The following BBS7 variants were observed in gnomAD, a reference collection of about 807,000 sequenced individuals.
BBS7 encodes Bardet-Biedl syndrome 7.
A neutral mutation model predicts 90.3 loss-of-function variants in BBS7; 50 were observed. The observed-to-expected ratio is 0.55, with a 90% CI of 0.44 to 0.70. The LOEUF is 0.70. BBS7 is among the 30% of genes least tolerant of loss of function. BBS7 has a pLI of 0.00. For missense variants in BBS7, 729 were observed against 838.9 expected (o/e 0.87, Z 1.62); for synonymous variants, 235 against 287.4 (o/e 0.82, Z 1.85).
intron 3 of BBS7, among the ~76,000 whole-genome samples, chr4:121,862,354 C>T (rs1206167551): frequency 2.6e-5 from 4 of 152,000 alleles, no homozygotes; most frequent in Non-Finnish European, 4.4e-5. Context: ...CCACTTCCTC[C>T]CCATGACTTT....
chr4:121,849,672 C>CA lies in BBS7; in HGVS notation c.850-745dup, dbSNP rs578054344. The stretch of plus-strand genomic sequence containing the variant: ...TGAAACCCCATCTCTACTAAAAATA[C>CA]AAAAAAAATTAGCCGGGCGTGGTGG... On this transcript the variant is annotated intron_variant, in intron 8 of 18. Coordinates refer to ENST00000264499, the MANE Select transcript of BBS7 (RefSeq NM_176824.3). Among the ~76,000 whole-genome samples, 517 of 151,504 alleles carry CA rather than the reference C, an allele frequency of 3.4e-3. 1 individual carries two copies. Among genetic ancestry groups the CA allele is most frequent in the African/African-American group, 0.012 (487 of 41,326 alleles).
At chr4:121,833,122 T>C in intron 15 of BBS7, 109 bp downstream of exon 15, 1 of 1,051,784 alleles carries the variant, frequency 9.5e-7, no homozygotes. Flanking sequence ...TCTTGAACAG[T>C]ATAGATTTTC....
rs1434794046 is a variant in BBS7 at position 121,828,744 on chromosome 4, AT to A, written c.1677-17del. 10 of 1,411,654 alleles carry A rather than the reference AT, an allele frequency of 7.1e-6. No homozygotes were observed. Among genetic ancestry groups the A allele is most frequent in the East Asian group, 2.5e-5 (1 of 40,432 alleles). 87.4% of individuals were successfully genotyped at this position (1,411,654 alleles called of 1,614,324 possible). ...CTCTCCTTTTCTATAAAATTAATATATTTTTTAAAAGAATAGCTGTAGAAGG... is the reference window on the plus strand; with the variant it reads ...CTCTCCTTTTCTATAAAATTAATATATTTTTAAAAGAATAGCTGTAGAAGG... On this transcript the variant is annotated splice_polypyrimidine_tract_variant and intron_variant, in intron 15 of 18. Transcript: ENST00000264499.
rs1467134205 is a variant in BBS7, at chr4:121,840,642, A to C, written c.1306-946T>G. Among the ~76,000 whole-genome samples, 4 of 152,172 alleles carry C rather than the reference A, an allele frequency of 2.6e-5. No individual in the cohort carries two copies. In the East Asian group the frequency reaches 7.7e-4, roughly 29 times the overall value. On this transcript the variant is annotated intron_variant, in intron 12 of 18. Transcript: ENST00000264499. The stretch of plus-strand genomic sequence containing the variant: ...CTACTAGAAATAGAGAAATGTAGCT[A>C]GGTTCATGGATTACAAAAAGAGACA...
At chr4:121,846,299 T>G (rs1726009402) in intron 10 of BBS7, among the ~76,000 whole-genome samples, 1 of 152,084 alleles carries the variant, frequency 6.6e-6, no homozygotes, top group African/African-American at 2.4e-5. Context: ...AAGGGCCACA[T>G]GCAAATGGAG....
chr4:121,839,658 C>T lies in BBS7; in HGVS notation c.1344G>A (p.Gln448=). The T allele has an allele frequency of 6.2e-7, 1 of 1,613,790 alleles. No homozygotes were observed. Among genetic ancestry groups the T allele is most frequent in the Non-Finnish European group, 8.5e-7 (1 of 1,179,822 alleles). The change falls in exon 13 of 19, where the codon CAG becomes CAA. Residue 448 remains glutamine, a synonymous_variant. Coordinates refer to ENST00000264499, the MANE Select transcript of BBS7 (RefSeq NM_176824.3). The part of the protein sequence containing the change: ...DNFLLATYRC[Q]ADTTRLELKI... ...TGAGTTCCAGCCTTGTAGTATCTGC[C>T]TGGCACCGATAAGTGGCAAGAAGGA... is the stretch of plus-strand genomic sequence containing the variant.
At chr4:121,855,851 C>A (rs970006252) in intron 5 of BBS7, among the ~76,000 whole-genome samples, 2 of 131,382 alleles carry the variant, frequency 1.5e-5, no homozygotes, top group African/African-American at 5.3e-5. Flanking sequence ...TACATATATG[C>A]ACATGTATGT....
At chr4:121,849,493 G>A (rs989654589) in intron 8 of BBS7, among the ~76,000 whole-genome samples, 1 of 152,138 alleles carries the variant, frequency 6.6e-6, no homozygotes, top group African/African-American at 2.4e-5. Context: ...GAACCACAGC[G>A]CCCCGCCAGT....
chr4:121,855,349 A>C, intron 6 of BBS7, 140 bp downstream of exon 6: 1 of 796,242 alleles, frequency 1.3e-6, no homozygotes, highest in Non-Finnish European at 2.1e-6. Flanking sequence ...TTAAAAGTTC[A>C]ATAACTCGTG....
chr4:121,853,175 C>T (rs1412527886), intron 7 of BBS7, 89 bp from the exon 8 acceptor site: 7 of 1,416,460 alleles, frequency 4.9e-6, no homozygotes, highest in African/African-American at 1.4e-5. Context: ...AACACACATA[C>T]CGACTCAGAA....
chr4:121,866,338 T>A (rs1234789613), intron 2 of BBS7, among the ~76,000 whole-genome samples: 1 of 152,054 alleles, frequency 6.6e-6, no homozygotes, highest in Admixed American at 6.6e-5. Context: ...TCTTTTTTTG[T>A]TTTTTGTTTT....
intron 12 of BBS7, among the ~76,000 whole-genome samples, chr4:121,840,794 T>C (rs1725698225): frequency 6.6e-6 from 1 of 152,104 alleles, no homozygotes; most frequent in Admixed American, 6.6e-5. Flanking sequence ...TTTCAAATCA[T>C]TTAAACTCAA....
chr4:121,851,732 A>G (rs928380778), intron 8 of BBS7, among the ~76,000 whole-genome samples: 3 of 152,234 alleles, frequency 2.0e-5, no homozygotes, highest in African/African-American at 7.2e-5. Context: ...ACCAGTCCAG[A>G]CTGTGTCAGA....
intron 13 of BBS7, among the ~76,000 whole-genome samples, chr4:121,835,904 C>T (rs574611211): frequency 2.0e-5 from 3 of 152,112 alleles, no homozygotes; most frequent in South Asian, 4.2e-4. Flanking sequence ...ACCTGCAATC[C>T]TCCCACCCCA....
intron 8 of BBS7, among the ~76,000 whole-genome samples, chr4:121,850,654 C>A (rs921224813): frequency 6.6e-6 from 1 of 152,008 alleles, no homozygotes; most frequent in Non-Finnish European, 1.5e-5. Flanking sequence ...TTTTTAAAAA[C>A]GGCACTGGCA....
intron 4 of BBS7, 97 bp downstream of exon 4, chr4:121,861,407 C>T: frequency 5.4e-6 from 6 of 1,118,882 alleles, no homozygotes; most frequent in Admixed American, 2.5e-5. Flanking sequence ...TTTTATTTTC[C>T]AGAAAGCCTA....
chr4:121,855,401 A>T, intron 6 of BBS7, 88 bp downstream of exon 6: 3 of 1,220,232 alleles, frequency 2.5e-6, no homozygotes, highest in Middle Eastern at 3.9e-4. Context: ...AACTGTCTCA[A>T]TTCTAGTTTA....
At chr4:121,849,781 G>C (rs965897121) in intron 8 of BBS7, among the ~76,000 whole-genome samples, 1 of 152,112 alleles carries the variant, frequency 6.6e-6, no homozygotes, top group Non-Finnish European at 1.5e-5. Flanking sequence ...AGTGAGCTGA[G>C]ATCGTCCCAC....
intron 4 of BBS7, 107 bp downstream of exon 4, chr4:121,861,396 AT>A: frequency 9.3e-7 from 1 of 1,071,588 alleles, no homozygotes; most frequent in South Asian, 1.5e-5. Context: ...CCTTTAGTTA[AT>A]TTTATTTTCC....
Sources: gnomAD v4.1 joint callset for allele counts (sites outside exome capture counted in the v4.1 genomes callset) on GRCh38, gnomAD v4.1.1 for gene constraint, MANE v1.5 for transcripts, NCBI Gene and HGNC (gene_info 2026-07-23, HGNC 2026-07-21) for gene names.